PRKX: variants seen among roughly 807,000 people sequenced by gnomAD.
The protein encoded by PRKX is protein kinase cAMP-dependent X-linked catalytic subunit.
In PRKX, 12 loss-of-function variants were observed where a neutral mutation model predicts 22.0. The observed-to-expected ratio is 0.54, with a 90% confidence interval of 0.35 to 0.88. PRKX has a LOEUF of 0.88. Ranked by LOEUF, PRKX falls within the 40% of genes least tolerant of loss-of-function variation. The pLI is 0.01. For missense variants in PRKX, 217 were observed against 308.0 expected (o/e 0.70, Z 2.21); for synonymous variants, 134 against 137.7 (o/e 0.97, Z 0.19).
intron 8 of PRKX, among the ~76,000 whole-genome samples, chrX:3,609,547 C>T (rs1926251896): frequency 9.0e-6 from 1 of 111,519 alleles, no homozygotes; most frequent in South Asian, 3.8e-4. Flanking sequence ...CTCAACTTTC[C>T]AGGCCCAAGC....
chrX:3,689,749 G>A (rs764856905), intron 1 of PRKX, among the ~76,000 whole-genome samples: 21 of 111,937 alleles, frequency 1.9e-4, no homozygotes, highest in South Asian at 7.4e-4. Context: ...AGGCCAAGGC[G>A]GGCGGATCAC....
At chrX:3,672,503 C>T (rs1927866989) in intron 2 of PRKX, among the ~76,000 whole-genome samples, 1 of 110,968 alleles carries the variant, frequency 9.0e-6, no homozygotes, top group Non-Finnish European at 1.9e-5. Flanking sequence ...AGAATTCCAT[C>T]CTGGGGAATT....
chrX:3,633,561 C>CA (rs1414022820), intron 4 of PRKX, among the ~76,000 whole-genome samples: 2 of 110,662 alleles, frequency 1.8e-5, no homozygotes, highest in Admixed American at 1.9e-4. Context: ...AAACTGTCTG[C>CA]AAAAACAAAA....
At chrX:3,686,271 C>T (rs1270512412) in intron 1 of PRKX, among the ~76,000 whole-genome samples, 2 of 111,459 alleles carry the variant, frequency 1.8e-5, no homozygotes, top group Non-Finnish European at 3.8e-5. Flanking sequence ...AACTCAGCTC[C>T]TTTATTCCAA....
At chrX:3,668,649 C>T (rs1419453228) in intron 2 of PRKX, among the ~76,000 whole-genome samples, 2 of 111,939 alleles carry the variant, frequency 1.8e-5, no homozygotes, top group Non-Finnish European at 3.8e-5. Context: ...AGTGGAGAGA[C>T]CTCTTGCCTT....
At chrX:3,704,469 A>G (rs1231783186) in intron 1 of PRKX, among the ~76,000 whole-genome samples, 1 of 111,543 alleles carries the variant, frequency 9.0e-6, no homozygotes, top group Non-Finnish European at 1.9e-5. Context: ...GTTCAAGACC[A>G]GCCTGGGCAA....
chrX:3,655,471 G>A (rs1212422000), intron 2 of PRKX, 59 bp from the exon 3 acceptor site: 16 of 1,174,942 alleles, frequency 1.4e-5, no homozygotes, highest in Admixed American at 2.3e-5. Flanking sequence ...GGGGTACGCC[G>A]TCAGCTAGGT....
At chrX:3,613,366 C>T (rs1293964566) in intron 7 of PRKX, among the ~76,000 whole-genome samples, 4 of 109,291 alleles carry the variant, frequency 3.7e-5, no homozygotes, top group African/African-American at 1.3e-4. Context: ...GAAGGATACA[C>T]AGAAAAACAA....
At chrX:3,640,237 C>T (rs1213223953) in intron 4 of PRKX, among the ~76,000 whole-genome samples, 4 of 109,765 alleles carry the variant, frequency 3.6e-5, no homozygotes, top group African/African-American at 9.9e-5. Flanking sequence ...TGTGGCAAAG[C>T]GCGGCAGAGG....
intron 2 of PRKX, among the ~76,000 whole-genome samples, chrX:3,656,678 G>A (rs187721301): frequency 3.2e-4 from 36 of 111,537 alleles, no homozygotes; most frequent in East Asian, 1.4e-3. Flanking sequence ...ATGCTAAGAC[G>A]TGTGTAGATG....
At chrX:3,695,989 T>A (rs1203604656) in intron 1 of PRKX, among the ~76,000 whole-genome samples, 2 of 111,570 alleles carry the variant, frequency 1.8e-5, no homozygotes, top group African/African-American at 6.5e-5. Flanking sequence ...AAGAAAACCC[T>A]ACTGGTGAAA....
At chrX:3,664,377 T>G (rs1156328433) in intron 2 of PRKX, among the ~76,000 whole-genome samples, 1 of 111,857 alleles carries the variant, frequency 8.9e-6, no homozygotes, top group South Asian at 3.7e-4. Context: ...ACTGTGACTA[T>G]AGGCGTGCAA....
chrX:3,617,504 G>T (rs1349114544), intron 6 of PRKX, among the ~76,000 whole-genome samples: 1 of 110,204 alleles, frequency 9.1e-6, no homozygotes, highest in Non-Finnish European at 1.9e-5. Flanking sequence ...AAATTAGCCA[G>T]CCTTGGTGGT....
chrX:3,666,158 T>G (rs1269490781), intron 2 of PRKX, among the ~76,000 whole-genome samples: 1 of 98,245 alleles, frequency 1.0e-5, no homozygotes, highest in East Asian at 3.2e-4. Context: ...GTACATTTTT[T>G]TTTTTTTTTT....
chrX:3,670,720 C>A (rs1449920950), intron 2 of PRKX, among the ~76,000 whole-genome samples: 1 of 110,105 alleles, frequency 9.1e-6, no homozygotes, highest in Non-Finnish European at 1.9e-5. Context: ...AATTTTTGTA[C>A]TTTTTGTAGA....
intron 1 of PRKX, among the ~76,000 whole-genome samples, chrX:3,692,266 C>T (rs1347406513): frequency 9.1e-6 from 1 of 110,235 alleles, no homozygotes; most frequent in African/African-American, 3.3e-5. Context: ...TGCAGAGTGG[C>T]GTCCCTGGGC....
intron 7 of PRKX, among the ~76,000 whole-genome samples, chrX:3,612,718 C>T (rs1427459644): frequency 1.8e-5 from 2 of 109,969 alleles, no homozygotes; most frequent in African/African-American, 6.6e-5. Flanking sequence ...CCCAGGAGGT[C>T]GATACTCCAA....
chrX:3,685,612 A>G (rs6641608), intron 1 of PRKX, among the ~76,000 whole-genome samples: 37,030 of 110,423 alleles, frequency 0.34, 5,737 homozygotes, highest in East Asian at 0.64. Flanking sequence ...CCCATGTGGC[A>G]GTGGTTACCC....
At chrX:3,652,137 G>A (rs910257287) in intron 3 of PRKX, among the ~76,000 whole-genome samples, 4 of 110,770 alleles carry the variant, frequency 3.6e-5, no homozygotes, top group Non-Finnish European at 7.6e-5. Flanking sequence ...TACATACTGG[G>A]GCCGGGTGCG....
Sources: allele counts gnomAD v4.1 joint callset (sites outside exome capture counted in the v4.1 genomes callset), GRCh38; gene constraint gnomAD v4.1.1; transcripts MANE v1.5; gene names NCBI Gene and HGNC (gene_info 2026-07-23, HGNC 2026-07-21).